EFCAB5: variants seen among roughly 807,000 people sequenced by gnomAD.
EFCAB5 encodes the protein EF-hand calcium-binding domain-containing protein 5.
In EFCAB5, 131 loss-of-function variants were observed where a neutral mutation model predicts 167.9. That is an observed-to-expected ratio of 0.78 (90% confidence interval 0.68 to 0.90). The LOEUF is 0.90. EFCAB5 is among the 40% of genes least tolerant of loss of function. EFCAB5 has a pLI of 0.00. For synonymous variants in EFCAB5, 574 were observed against 602.8 expected (o/e 0.95, Z 0.70); for missense variants, 1,663 against 1,745.2 (o/e 0.95, Z 0.84).
intron 4 of EFCAB5, among the ~76,000 whole-genome samples, chr17:29,977,625 A>G (rs1184447322): frequency 6.6e-6 from 1 of 152,124 alleles, no homozygotes; most frequent in Non-Finnish European, 1.5e-5. Context: ...TCTTTTGGGC[A>G]TTTTTCCTGT....
chr17:30,046,531 C>A (rs1401190546), intron 8 of EFCAB5, among the ~76,000 whole-genome samples: 1 of 152,122 alleles, frequency 6.6e-6, no homozygotes, highest in Non-Finnish European at 1.5e-5. Context: ...AATCAGCCCC[C>A]AAATATAATG....
intron 17 of EFCAB5, among the ~76,000 whole-genome samples, chr17:30,082,244 A>G (rs974836851): frequency 1.3e-5 from 2 of 152,162 alleles, no homozygotes; most frequent in African/African-American, 4.8e-5. Flanking sequence ...TAAGATTGGC[A>G]TTCGTTCTTG....
At position 29,943,589 on chromosome 17, in the gene EFCAB5, C is replaced by T. The variant is rs189464608; in HGVS notation, c.130C>T (p.Pro44Ser). 6.2e-5 allele frequency: 99 copies of T among 1,584,700 alleles called. No individual in the cohort carries two copies. The African/African-American group carries it at 1.2e-3, about 19-fold the overall frequency. ...HETLQSVPDV[P>S]VKEDTNSVVE... ...GACCTTACAGAGTGTGCCAGACGTT[C>T]CTGTAAAAGAGGACACCAACAGTGT... is the stretch of plus-strand genomic sequence containing the variant. Residue 44 changes from proline to serine, a missense_variant, in exon 3 of 23, where the codon CCT becomes TCT. By Grantham distance (74) the Pro-to-Ser change is moderately conservative. Coordinates refer to ENST00000394835, the MANE Select transcript of EFCAB5 (RefSeq NM_198529.4).
intron 22 of EFCAB5, among the ~76,000 whole-genome samples, chr17:30,096,652 CAT>C (rs200424980): frequency 0.011 from 1,038 of 93,520 alleles, 45 homozygotes; most frequent in Middle Eastern, 0.023. Flanking sequence ...ATCCTGAAAG[CAT>C]ATATATATAT....
At chr17:30,086,929 A>C in intron 18 of EFCAB5, 134 bp from the exon 19 acceptor site, 1 of 672,778 alleles carries the variant, frequency 1.5e-6, no homozygotes, top group Admixed American at 3.1e-5. Flanking sequence ...AATGGTACTA[A>C]GTAAAATGTC....
chr17:29,955,294 A>T (rs2067591178), intron 3 of EFCAB5, among the ~76,000 whole-genome samples: 1 of 152,152 alleles, frequency 6.6e-6, no homozygotes, highest in Non-Finnish European at 1.5e-5. Flanking sequence ...AGCTCCCATA[A>T]TTCCCACGTG....
intron 18 of EFCAB5, among the ~76,000 whole-genome samples, chr17:30,084,365 G>A (rs933989998): frequency 1.3e-5 from 2 of 152,120 alleles, no homozygotes; most frequent in African/African-American, 4.8e-5. Context: ...GAAGAACATC[G>A]TCAGGGCCTT....
intron 4 of EFCAB5, among the ~76,000 whole-genome samples, chr17:29,971,248 C>G (rs1478069636): frequency 6.6e-6 from 1 of 151,588 alleles, no homozygotes; most frequent in Non-Finnish European, 1.5e-5. Context: ...ATTTTTGTAC[C>G]CTGCTACCTT....
At chr17:29,972,738 G>A (rs946045085) in intron 4 of EFCAB5, 4 of 220,224 alleles carry the variant, frequency 1.8e-5, no homozygotes, top group Admixed American at 1.2e-4. Context: ...CGGCCAGAAA[G>A]CGTCCTTGCT....
chr17:30,052,540 G>C (rs1435439444), intron 9 of EFCAB5, among the ~76,000 whole-genome samples: 1 of 152,152 alleles, frequency 6.6e-6, no homozygotes, highest in African/African-American at 2.4e-5. Context: ...TGATATACTT[G>C]GAGTATTTCT....
intron 8 of EFCAB5, among the ~76,000 whole-genome samples, chr17:30,043,241 CTA>C (rs755081414): frequency 5.3e-5 from 8 of 152,162 alleles, no homozygotes; most frequent in Non-Finnish European, 1.0e-4. Context: ...TCTCAACACA[CTA>C]AAATTTCTTC....
intron 14 of EFCAB5, chr17:30,068,773 T>C: frequency 2.2e-6 from 3 of 1,371,212 alleles, no homozygotes; most frequent in Non-Finnish European, 3.1e-6. Context: ...CAAGGGCAAC[T>C]TCTCCAGCCG....
intron 7 of EFCAB5, among the ~76,000 whole-genome samples, chr17:30,023,488 T>C (rs1309456025): frequency 2.6e-5 from 4 of 152,212 alleles, no homozygotes; most frequent in South Asian, 4.2e-4. Flanking sequence ...CAGGAAGAAG[T>C]TGAATCACTG....
In EFCAB5 at chr17:30,078,220, CTA is replaced by C; in HGVS notation, c.2744_2745del (p.Leu915ProfsTer30). On this transcript the variant is annotated frameshift_variant, in exon 15 of 23. Transcript: ENST00000394835. LOFTEE classifies it high-confidence loss of function. ...MEKESMKKAK[L>X]HIQFPKPHPG... Reference sequence around the variant, plus strand: ...TTCGTGTTTGTGTCTTTTAGCTAAACTACACATCCAATTTCCAAAGCCACACC... The same window carrying C: ...TTCGTGTTTGTGTCTTTTAGCTAAACCACATCCAATTTCCAAAGCCACACC... The C allele has an allele frequency of 6.2e-7, 1 of 1,610,156 alleles. No homozygotes were observed. The highest frequency in any genetic ancestry group is 8.5e-7 in the Non-Finnish European group (1 of 1,177,614).
chr17:30,024,863 C>T (rs2069275340), intron 7 of EFCAB5, among the ~76,000 whole-genome samples: 1 of 151,894 alleles, frequency 6.6e-6, no homozygotes, highest in Non-Finnish European at 1.5e-5. Context: ...AGAACAGAGC[C>T]CTCAGAAATA....
At chr17:29,936,136 A>G (rs1050542997) in intron 1 of EFCAB5, among the ~76,000 whole-genome samples, 2 of 152,182 alleles carry the variant, frequency 1.3e-5, no homozygotes, top group South Asian at 4.1e-4. Context: ...ATAAAAAAGG[A>G]TGAGTTCATG....
intron 22 of EFCAB5, among the ~76,000 whole-genome samples, chr17:30,097,632 C>T (rs2071322673): frequency 6.6e-6 from 1 of 152,200 alleles, no homozygotes; most frequent in Non-Finnish European, 1.5e-5. Flanking sequence ...ACCCCATCCT[C>T]CCAATGTAGT....
At chr17:30,072,794 T>C (rs2070773937) in intron 14 of EFCAB5, among the ~76,000 whole-genome samples, 1 of 152,198 alleles carries the variant, frequency 6.6e-6, no homozygotes, top group African/African-American at 2.4e-5. Context: ...GCCCCTCCAC[T>C]TTAAAGCTAC....
chr17:29,943,060 A>G (rs2067326453), intron 2 of EFCAB5, among the ~76,000 whole-genome samples: 1 of 151,508 alleles, frequency 6.6e-6, no homozygotes, highest in Non-Finnish European at 1.5e-5. Flanking sequence ...ATATATATAT[A>G]TATAGTCAGA....
Sources: gnomAD v4.1 joint callset for allele counts (sites outside exome capture counted in the v4.1 genomes callset) on GRCh38, gnomAD v4.1.1 for gene constraint, MANE v1.5 for transcripts, NCBI Gene and HGNC (gene_info 2026-07-23, HGNC 2026-07-21) for gene names.